STARD10: variants seen among roughly 807,000 people sequenced by gnomAD.
The protein encoded by STARD10 is START domain-containing protein 10.
In STARD10, 24 loss-of-function variants were observed where a neutral mutation model predicts 36.0. The observed-to-expected ratio is 0.67, with a 90% CI of 0.48 to 0.94. STARD10 has a LOEUF of 0.94. STARD10 is among the 40% of genes least tolerant of loss of function. The pLI is 0.00. For missense variants in STARD10, 335 were observed against 396.6 expected, an observed-to-expected ratio of 0.84 and a Z score of 1.32; for synonymous variants, 156 against 161.9, an observed-to-expected ratio of 0.96 and a Z score of 0.28.
Position 72,754,923 on chromosome 11 carries a change from TGCCCTCGCC to T in STARD10, c.841_849del (p.Gly281_Gly283del), listed in dbSNP as rs776933220. 6.2e-7 allele frequency: 1 copy of T among 1,601,330 alleles called. No homozygotes were observed. The highest frequency in any genetic ancestry group is 8.5e-7 in the Non-Finnish European group (1 of 1,178,436). On this transcript the variant is annotated inframe_deletion, in exon 7 of 7. Coordinates refer to ENST00000334805, the MANE Select transcript of STARD10 (RefSeq NM_006645.3). ...CAGGTGAGCGAGGTGTCGTCGTCGCTGCCCTCGCCGCCCGCGCCGCCCATCCGCTCCTCT... is the reference window on the plus strand; with the variant it reads ...CAGGTGAGCGAGGTGTCGTCGTCGCTGCCCGCGCCGCCCATCCGCTCCTCT...
intron 5 of STARD10, 99 bp downstream of exon 5, chr11:72,757,668 G>T: frequency 9.2e-7 from 1 of 1,088,024 alleles, no homozygotes; most frequent in Non-Finnish European, 1.4e-6. Context: ...ATGCAAAACA[G>T]CTCCTAACAG....
chr11:72,780,190 C>T, intron 2 of STARD10: 1 of 447,616 alleles, frequency 2.2e-6, no homozygotes, highest in Non-Finnish European at 4.5e-6. Context: ...CCATCTGGTC[C>T]CCTGGGGGAT....
At chr11:72,766,832 G>C (rs867475892) in intron 2 of STARD10, among the ~76,000 whole-genome samples, 7 of 152,312 alleles carry the variant, frequency 4.6e-5, no homozygotes, top group South Asian at 4.1e-4. Context: ...CACACACACA[G>C]ACAGGTGGAC....
At chr11:72,792,803 CAG>C (rs1859164340) in intron 1 of STARD10, 70 bp downstream of exon 1, 1 of 153,088 alleles carries the variant, frequency 6.5e-6, no homozygotes, top group South Asian at 2.1e-4. Context: ...CCTTTCCATT[CAG>C]AGTCTGTCCC....
rs578054027 is a variant in STARD10 at position 72,757,044 on chromosome 11, C to G, written c.577+723G>C. ...CCTGTAATCCCAGTTACTCGGGAGG[C>G]TGGGGCAGGAGAATCATTTGAACCC... On this transcript the variant is annotated intron_variant, in intron 5 of 6. Transcript: ENST00000334805. Among the ~76,000 whole-genome samples, 3 of 150,026 alleles carry G rather than the reference C, an allele frequency of 2.0e-5. No individual in the cohort carries two copies. In the East Asian group the frequency reaches 5.9e-4, roughly 30 times the overall value.
At chr11:72,756,021 C>T (rs1858639494) in intron 5 of STARD10, 1 of 344,710 alleles carries the variant, frequency 2.9e-6, no homozygotes, top group Middle Eastern at 8.1e-4. Context: ...TAAGCACAGG[C>T]TATACATGGG....
intron 2 of STARD10, among the ~76,000 whole-genome samples, chr11:72,777,614 G>A (rs191706337): frequency 3.3e-4 from 51 of 152,372 alleles, no homozygotes; most frequent in African/African-American, 1.1e-3. Flanking sequence ...TCAGGAGGTA[G>A]TGTCTGTCTC....
chr11:72,767,130 A>G (rs1858802631), intron 2 of STARD10, among the ~76,000 whole-genome samples: 1 of 152,210 alleles, frequency 6.6e-6, no homozygotes, highest in Non-Finnish European at 1.5e-5. Flanking sequence ...TTCAAATGAG[A>G]GGAAGAATTC....
In STARD10 at chr11:72,758,644, C is replaced by A; in HGVS notation, c.356-11G>T. 6.2e-7 allele frequency: 1 copy of A among 1,603,198 alleles called. No homozygotes were observed. Among genetic ancestry groups the A allele is most frequent in the Non-Finnish European group, 8.5e-7 (1 of 1,171,378 alleles). On this transcript the variant is annotated splice_polypyrimidine_tract_variant and intron_variant, in intron 3 of 6. Coordinates refer to ENST00000334805, the MANE Select transcript of STARD10 (RefSeq NM_006645.3). The stretch of plus-strand genomic sequence containing the variant: ...GCTTGGGACACCTCCCTGTGGGGGG[C>A]AAGGGACAGTTCAGCCAGACCACTG...
chr11:72,791,803 G>A (rs1859146147), intron 1 of STARD10, among the ~76,000 whole-genome samples: 1 of 151,978 alleles, frequency 6.6e-6, no homozygotes, highest in Non-Finnish European at 1.5e-5. Flanking sequence ...ATGCTTGGAG[G>A]TGAATCCAAG....
chr11:72,791,731 T>G (rs1389764889), intron 1 of STARD10, among the ~76,000 whole-genome samples: 2 of 151,900 alleles, frequency 1.3e-5, no homozygotes, highest in Non-Finnish European at 2.9e-5. Context: ...TCCTTTTCCT[T>G]CTTTAGCCTC....
intron 6 of STARD10, 164 bp from the exon 7 acceptor site, chr11:72,755,306 CTTT>C (rs542293512): frequency 0.015 from 5,200 of 351,204 alleles, no homozygotes; most frequent in East Asian, 0.028. Flanking sequence ...ATTCTCCATT[CTTT>C]TTTTTTTTTT....
intron 5 of STARD10, among the ~76,000 whole-genome samples, chr11:72,756,769 G>A (rs569956427): frequency 7.9e-5 from 12 of 152,190 alleles, no homozygotes; most frequent in African/African-American, 2.6e-4. Context: ...TCCTCTGGCC[G>A]CTGTTATACA....
intron 2 of STARD10, among the ~76,000 whole-genome samples, chr11:72,771,348 G>A (rs1858854041): frequency 6.6e-6 from 1 of 152,158 alleles, no homozygotes; most frequent in African/African-American, 2.4e-5. Context: ...CATGGGGGTT[G>A]GAAGGACACA....
chr11:72,772,351 C>T (rs1371424100), intron 2 of STARD10, among the ~76,000 whole-genome samples: 1 of 150,644 alleles, frequency 6.6e-6, no homozygotes, highest in Non-Finnish European at 1.5e-5. Flanking sequence ...GGGCACGGTT[C>T]TCCCTGTGCC....
intron 2 of STARD10, among the ~76,000 whole-genome samples, chr11:72,762,400 C>T (rs1432912880): frequency 6.6e-6 from 1 of 151,866 alleles, no homozygotes; most frequent in Non-Finnish European, 1.5e-5. Context: ...GGATATTGGC[C>T]CCATTATAGG....
chr11:72,783,821 G>A (rs780290816), intron 1 of STARD10, among the ~76,000 whole-genome samples: 21 of 152,288 alleles, frequency 1.4e-4, no homozygotes, highest in South Asian at 4.1e-4. Context: ...AGTGAGGGCA[G>A]ACTGATAGAA....
rs1262798823 is a variant in STARD10 at position 72,754,966 on chromosome 11, G to T, written c.807C>A (p.Ala269=). The change falls in exon 7 of 7, where the codon GCC becomes GCA. Residue 269 remains alanine (A), a synonymous_variant. Coordinates refer to ENST00000334805, the MANE Select transcript of STARD10 (RefSeq NM_006645.3). ...CGCCCATCCGCTCCTCTCTGCTCTC[G>T]GCCACCGCGCTCTCGTCGATGTTCT... The part of the protein sequence containing the change: ...SLENIDESAV[A]ESREERMGGA... 9 of 1,609,974 alleles carry T rather than the reference G, an allele frequency of 5.6e-6. No homozygotes were observed. Among genetic ancestry groups the T allele is most frequent in the Non-Finnish European group, 7.6e-6 (9 of 1,179,330 alleles).
At chr11:72,771,134 T>A (rs867160514) in intron 2 of STARD10, among the ~76,000 whole-genome samples, 1 of 152,182 alleles carries the variant, frequency 6.6e-6, no homozygotes, top group African/African-American at 2.4e-5. Context: ...AGGAACCAGG[T>A]TGGAACCCCC....
Sources: allele counts gnomAD v4.1 joint callset (sites outside exome capture counted in the v4.1 genomes callset), GRCh38; gene constraint gnomAD v4.1.1; transcripts MANE v1.5; gene names NCBI Gene and HGNC (gene_info 2026-07-23, HGNC 2026-07-21).